The following DAB1 variants were observed in gnomAD, a reference collection of about 807,000 sequenced individuals.
DAB1 encodes DAB adaptor protein 1.
DAB1 carries 15 observed loss-of-function variants against 64.6 expected under a neutral mutation model. That is an observed-to-expected ratio of 0.23 (90% CI 0.16 to 0.36). The LOEUF is 0.36. Ranked by LOEUF, DAB1 falls within the 10% of genes least tolerant of loss-of-function variation. The probability of loss-of-function intolerance (pLI) is 1.00; values close to 1 mark genes in which losing one functional copy is unlikely to be tolerated. For synonymous variants in DAB1, 235 were observed against 251.9 expected, an observed-to-expected ratio of 0.93 and a Z score of 0.64; for missense variants, 596 against 706.7, an observed-to-expected ratio of 0.84 and a Z score of 1.78.
At chr1:57,911,491 CT>C (rs1644643460) in intron 5 of DAB1, among the ~76,000 whole-genome samples, 1 of 152,150 alleles carries the variant, frequency 6.6e-6, no homozygotes, top group Non-Finnish European at 1.5e-5. Flanking sequence ...CAGTTTCCCC[CT>C]CTTTGTTGAT....
chr1:57,935,595 C>T (rs1420338033), intron 5 of DAB1, among the ~76,000 whole-genome samples: 3 of 152,152 alleles, frequency 2.0e-5, no homozygotes, highest in Non-Finnish European at 2.9e-5. Flanking sequence ...TTAATATTTA[C>T]AATGATTCTG....
intron 4 of DAB1, among the ~76,000 whole-genome samples, chr1:57,081,604 CT>C (rs1371946108): frequency 1.3e-5 from 2 of 152,030 alleles, no homozygotes; most frequent in Non-Finnish European, 2.9e-5. Flanking sequence ...TCGCTTAAGA[CT>C]TTTTGAGGTG....
chr1:57,072,522 G>A, intron 4 of DAB1, 108 bp from the exon 5 acceptor site: 25 of 1,225,758 alleles, frequency 2.0e-5, no homozygotes, highest in Non-Finnish European at 2.8e-5. Flanking sequence ...GAAGGGCTTT[G>A]GAAAAGCTGT....
chr1:58,089,268 TAG>T (rs1650497966), intron 5 of DAB1, among the ~76,000 whole-genome samples: 1 of 152,270 alleles, frequency 6.6e-6, no homozygotes, highest in Admixed American at 6.5e-5. Flanking sequence ...TTCTGCTACA[TAG>T]AGCTATCACA....
At chr1:57,723,654 C>T (rs970830160) in intron 6 of DAB1, among the ~76,000 whole-genome samples, 2 of 152,134 alleles carry the variant, frequency 1.3e-5, no homozygotes, top group African/African-American at 2.4e-5. Context: ...TTTTCTTTTC[C>T]CCCAAGCCCT....
At chr1:58,165,062 A>C (rs773857497) in intron 4 of DAB1, among the ~76,000 whole-genome samples, 1 of 152,184 alleles carries the variant, frequency 6.6e-6, no homozygotes, top group Non-Finnish European at 1.5e-5. Context: ...AAACAAAATG[A>C]GACTGATTAA....
At chr1:58,306,279 G>A (rs188922580) in intron 4 of DAB1, among the ~76,000 whole-genome samples, 2 of 152,260 alleles carry the variant, frequency 1.3e-5, no homozygotes, top group East Asian at 3.9e-4. Context: ...GAAGGAGGAA[G>A]GAGGAAAAGG....
chr1:58,210,684 C>CT (rs1173693284), intron 4 of DAB1, among the ~76,000 whole-genome samples: 1 of 152,150 alleles, frequency 6.6e-6, no homozygotes, highest in Non-Finnish European at 1.5e-5. Context: ...TCCATAATTG[C>CT]TTTTTTTCCA....
chr1:57,154,159 T>C (rs898544399), intron 2 of DAB1, among the ~76,000 whole-genome samples: 118 of 152,340 alleles, frequency 7.7e-4, no homozygotes, highest in African/African-American at 2.6e-3. Flanking sequence ...TTCTATTTTT[T>C]GTACCATTAG....
intron 4 of DAB1, among the ~76,000 whole-genome samples, chr1:58,176,082 T>C (rs1203124661): frequency 1.3e-5 from 2 of 152,174 alleles, no homozygotes; most frequent in African/African-American, 2.4e-5. Context: ...ACAGACCCTG[T>C]ACACAGAGCC....
Position 57,312,788 on chromosome 1 carries a change from G to A in DAB1, c.-136-21622C>T, listed in dbSNP as rs549676532. On this transcript the variant is annotated intron_variant, in intron 1 of 14. Transcript: ENST00000371236. Reference sequence around the variant, plus strand: ...CCCAAAGGTTCTCATTTGCAGCAGTGGCCGGTGAGCAGCAGTGGAGTGTGC... The same window carrying A: ...CCCAAAGGTTCTCATTTGCAGCAGTAGCCGGTGAGCAGCAGTGGAGTGTGC... 2.0e-4 allele frequency among the ~76,000 whole-genome samples: 30 copies of A among 152,224 alleles called. No individual in the cohort carries two copies. In the East Asian group the frequency reaches 5.8e-3, roughly 29 times the overall value.
intron 3 of DAB1, among the ~76,000 whole-genome samples, chr1:58,368,087 T>C (rs1052419892): frequency 5.9e-5 from 9 of 152,246 alleles, no homozygotes; most frequent in Non-Finnish European, 1.2e-4. Flanking sequence ...GGGGAACTTT[T>C]ACAAAATGTT....
intron 5 of DAB1, among the ~76,000 whole-genome samples, chr1:58,146,058 T>C (rs1377602246): frequency 6.6e-6 from 1 of 152,224 alleles, no homozygotes; most frequent in African/African-American, 2.4e-5. Flanking sequence ...CTTAATAACA[T>C]TATCTTTTAT....
intron 5 of DAB1, among the ~76,000 whole-genome samples, chr1:58,079,709 C>G (rs915094739): frequency 6.6e-5 from 10 of 151,658 alleles, no homozygotes; most frequent in African/African-American, 2.4e-4. Flanking sequence ...TTAGTAGAGA[C>G]AGGGTTTCAC....
At chr1:57,848,924 C>T (rs996373252) in intron 1 of DAB1, among the ~76,000 whole-genome samples, 5 of 152,278 alleles carry the variant, frequency 3.3e-5, no homozygotes, top group South Asian at 2.1e-4. Flanking sequence ...GTAATCCTCA[C>T]ATCTGAAAGA....
At chr1:57,290,486 AC>A (rs748252820) in intron 2 of DAB1, among the ~76,000 whole-genome samples, 2 of 152,146 alleles carry the variant, frequency 1.3e-5, no homozygotes, top group Non-Finnish European at 2.9e-5. Context: ...TTTGACAACC[AC>A]TGGTACAGGC....
At chr1:57,264,610 C>A (rs1670444298) in intron 2 of DAB1, among the ~76,000 whole-genome samples, 1 of 152,160 alleles carries the variant, frequency 6.6e-6, no homozygotes, top group African/African-American at 2.4e-5. Flanking sequence ...TCAGTGATGT[C>A]CTGTACCTTA....
At chr1:58,500,363 C>G (rs574275492) in intron 3 of DAB1, among the ~76,000 whole-genome samples, 1 of 152,250 alleles carries the variant, frequency 6.6e-6, no homozygotes, top group South Asian at 2.1e-4. Context: ...CACTGGCCAA[C>G]AACGACATTT....
chr1:57,657,475 C>T (rs1270330937), intron 6 of DAB1, among the ~76,000 whole-genome samples: 1 of 152,214 alleles, frequency 6.6e-6, no homozygotes, highest in African/African-American at 2.4e-5. Flanking sequence ...TGACCCTCCT[C>T]CTTTCTAATG....
Sources: allele counts gnomAD v4.1 joint callset (sites outside exome capture counted in the v4.1 genomes callset), GRCh38; gene constraint gnomAD v4.1.1; transcripts MANE v1.5; gene names NCBI Gene and HGNC (gene_info 2026-07-23, HGNC 2026-07-21).